IPPK: variants seen among roughly 807,000 people sequenced by gnomAD.
IPPK encodes inositol-pentakisphosphate 2-kinase.
Under a neutral mutation model 64.6 loss-of-function variants are expected in IPPK, and 22 were observed. The ratio of observed to expected loss-of-function variants is 0.34; its 90% CI spans 0.24 to 0.49. IPPK has a LOEUF of 0.49. IPPK is among the 20% of genes least tolerant of loss of function. The pLI is 0.99. For missense variants in IPPK, 532 were observed against 630.7 expected (o/e 0.84, Z 1.68); for synonymous variants, 262 against 247.2 (o/e 1.06, Z -0.56).
chr9:92,630,414 C>T (rs181739315), intron 11 of IPPK, among the ~76,000 whole-genome samples: 1 of 152,310 alleles, frequency 6.6e-6, no homozygotes, highest in East Asian at 1.9e-4. Flanking sequence ...CTAAAGGGTA[C>T]AGGGTTTTTA....
At chr9:92,650,066 G>A (rs888990151) in intron 4 of IPPK, among the ~76,000 whole-genome samples, 1 of 150,370 alleles carries the variant, frequency 6.7e-6, no homozygotes, top group Non-Finnish European at 1.5e-5. Flanking sequence ...GCTCACACCT[G>A]TAATCCCAGC....
rs1257760731 is a variant in IPPK, at chr9:92,635,254, G to A, written c.971C>T (p.Thr324Ile). ...CAGGTCCAACATCTGCACCTGGAGG[G>A]TTTTGTACAGAAGACAGCCCTTCGG... ...GLPKGCLLYKTLQVQMLDLLD... is the reference protein window; with the variant it reads ...GLPKGCLLYKILQVQMLDLLD... Residue 324 changes from threonine (T) to isoleucine (I), a missense_variant, in exon 10 of 13, where the codon ACC becomes ATC. Coordinates refer to ENST00000287996, the MANE Select transcript of IPPK (RefSeq NM_022755.6). The surrounding 1 kb of genome is among the most constrained non-coding windows in gnomAD (Gnocchi z 4.4). 3 of 1,614,108 alleles carry A rather than the reference G, an allele frequency of 1.9e-6. No individual in the cohort carries two copies. Among genetic ancestry groups the A allele is most frequent in the Non-Finnish European group, 2.5e-6 (3 of 1,180,040 alleles).
chr9:92,619,797 C>T, intron 11 of IPPK: 1 of 550,818 alleles, frequency 1.8e-6, no homozygotes, highest in Non-Finnish European at 3.3e-6. Context: ...GCCCCCTGAC[C>T]TCTCACGGCA....
intron 3 of IPPK, among the ~76,000 whole-genome samples, chr9:92,652,853 TAG>T (rs1377443578): frequency 6.6e-6 from 1 of 152,192 alleles, no homozygotes; most frequent in African/African-American, 2.4e-5. Context: ...CCAGGTTAAA[TAG>T]AGACACCAAC....
intron 11 of IPPK, among the ~76,000 whole-genome samples, chr9:92,628,086 T>A (rs1291734103): frequency 6.6e-6 from 1 of 152,126 alleles, no homozygotes; most frequent in East Asian, 1.9e-4. Context: ...CAGAAAACAA[T>A]TCCATTTACA....
chr9:92,648,133 T>A lies in IPPK; in HGVS notation c.430A>T (p.Ile144Phe). Reference protein sequence around the residue: ...CVEIKPKCGFIPFSSDVTHEM... With the variant: ...CVEIKPKCGFFPFSSDVTHEM... ...TGCGTGACATCACTCGAGAAAGGAA[T>A]AAACCCACATTTTGGCTGTAAAATA... The change falls in exon 6 of 13, where the codon ATT (isoleucine) becomes TTT (phenylalanine). Residue 144 changes from isoleucine to phenylalanine, a missense_variant. Physicochemically the swap from Ile to Phe is conservative, Grantham distance 21. Coordinates refer to ENST00000287996, the MANE Select transcript of IPPK (RefSeq NM_022755.6). 6.2e-7 allele frequency: 1 copy of A among 1,613,180 alleles called. No homozygotes were observed. The highest frequency in any genetic ancestry group is 8.5e-7 in the Non-Finnish European group (1 of 1,179,506).
intron 11 of IPPK, 116 bp from the exon 12 acceptor site, chr9:92,619,681 T>G (rs1851562961): frequency 1.0e-6 from 1 of 968,400 alleles, no homozygotes. Context: ...AACCTGAGGG[T>G]GGGATTAGGA....
At chr9:92,619,654 A>ACTG in intron 11 of IPPK, 89 bp from the exon 12 acceptor site, 1 of 1,166,684 alleles carries the variant, frequency 8.6e-7, no homozygotes, top group Admixed American at 2.0e-5. Context: ...AAGTGTGGGA[A>ACTG]CTGCTTCCTG....
chr9:92,644,786 C>G (rs544733951), intron 6 of IPPK, among the ~76,000 whole-genome samples: 19 of 152,224 alleles, frequency 1.2e-4, no homozygotes, highest in African/African-American at 4.1e-4. Flanking sequence ...ATAAAAAATC[C>G]TGGAGAGGGA....
At chr9:92,619,293 C>G (rs1402028694) in intron 12 of IPPK, 193 bp downstream of exon 12, 7 of 569,966 alleles carry the variant, frequency 1.2e-5, no homozygotes, top group Non-Finnish European at 2.2e-5. Flanking sequence ...ATAAATCTGT[C>G]TTTTGACTGA....
rs749123813 is a variant in IPPK at position 92,634,452 on chromosome 9, T to G, written c.1104A>C (p.Ala368=). The G allele has an allele frequency of 6.2e-7, 1 of 1,614,106 alleles. No individual in the cohort carries two copies. The highest frequency in any genetic ancestry group is 8.5e-7 in the Non-Finnish European group (1 of 1,179,944). ...TLQIDGPYDE[A]FYQKLLDLST... ...AAAGGTCAAGCAGCTTCTGGTAAAA[T>G]GCTTCATCATAAGGCCCATCTATTT... Residue 368 remains alanine, a synonymous_variant, in exon 11 of 13, where the codon GCA becomes GCC. Transcript: ENST00000287996.
chr9:92,614,532 A>C lies in IPPK; in HGVS notation c.*1300T>G, dbSNP rs561996259. ...TAGAATTAGAAGTAAATATGACAGA[A>C]TTGAACAATAAATTCTAGAAGAGTT... On this transcript the variant is annotated 3_prime_UTR_variant, in exon 13 of 13. Coordinates refer to ENST00000287996, the MANE Select transcript of IPPK (RefSeq NM_022755.6). The C allele has an allele frequency of 1.3e-5, 2 of 152,794 alleles. No individual in the cohort carries two copies. Among genetic ancestry groups the C allele is most frequent in the East Asian group, 1.9e-4 (1 of 5,190 alleles). The allele number at this position is 152,794 out of a possible 1,614,324, so 9.5% of individuals were successfully genotyped here.
Position 92,669,979 on chromosome 9 carries a change from C to T in IPPK, c.10G>A (p.Gly4Arg). The T allele has an allele frequency of 1.2e-6, 2 of 1,612,258 alleles. No individual in the cohort carries two copies. Among genetic ancestry groups the T allele is most frequent in the African/African-American group, 1.3e-5 (1 of 74,852 alleles). The change falls in exon 1 of 13, where the codon GGG (glycine) becomes AGG (arginine). Residue 4 changes from glycine to arginine, a missense_variant. Physicochemically the swap from Gly to Arg is moderately radical, Grantham distance 125. Transcript: ENST00000287996. ...CCCCATTCATTCTCGTCCATCTTCC[C>T]CTCTTCCATGCCCAGGCGCAGCCCT... is the stretch of plus-strand genomic sequence containing the variant. Reference protein sequence around the residue: MEEGKMDENEWGYH... With the variant: MEERKMDENEWGYH...
intron 1 of IPPK, among the ~76,000 whole-genome samples, chr9:92,661,151 G>C (rs1852474401): frequency 1.3e-5 from 2 of 152,190 alleles, no homozygotes; most frequent in Non-Finnish European, 2.9e-5. Context: ...CTCCAAGATG[G>C]GCAACTGAGT....
rs1049430618 is a variant in IPPK at position 92,629,217 on chromosome 9, T to C, written c.1170+5169A>G. Among the ~76,000 whole-genome samples the C allele has an allele frequency of 3.9e-5, 6 of 152,210 alleles. No homozygotes were observed. The South Asian group carries it at 1.2e-3, about 32-fold the overall frequency. On this transcript the variant is annotated intron_variant, in intron 11 of 12. Coordinates refer to ENST00000287996, the MANE Select transcript of IPPK (RefSeq NM_022755.6). ...TATTAAAAGGGAACATGGGAAATCT[T>C]CATGACCTTAGATTTATTTAGCAAT...
chr9:92,640,689 T>C (rs1207078227), intron 8 of IPPK, 21 bp downstream of exon 8: 24 of 1,568,448 alleles, frequency 1.5e-5, no homozygotes, highest in East Asian at 2.2e-5. Flanking sequence ...GAAACCACCA[T>C]AGAATCAAAG....
intron 7 of IPPK, among the ~76,000 whole-genome samples, chr9:92,642,353 G>C (rs1316653039): frequency 6.6e-6 from 1 of 152,262 alleles, no homozygotes; most frequent in East Asian, 1.9e-4. Flanking sequence ...AGACCTTGCC[G>C]GGGCAGAAAT....
chr9:92,638,254 T>G lies in IPPK; in HGVS notation c.663A>C (p.Lys221Asn). ...AGTCAGCCACGGGGCTCCGGGCATC[T>G]TTGCAGCCGTAAATCAGCTCACCAT... The part of the protein sequence containing the change: ...FKNGELIYGC[K>N]DARSPVADWS... Residue 221 changes from lysine to asparagine, a missense_variant, in exon 9 of 13, where the codon AAA (lysine) becomes AAC (asparagine). Coordinates refer to ENST00000287996, the MANE Select transcript of IPPK (RefSeq NM_022755.6). 1 of 1,613,960 alleles carries G rather than the reference T, an allele frequency of 6.2e-7. No individual in the cohort carries two copies. Among genetic ancestry groups the G allele is most frequent in the South Asian group, 1.1e-5 (1 of 91,066 alleles).
At chr9:92,654,611 C>T (rs888837317) in intron 3 of IPPK, among the ~76,000 whole-genome samples, 3 of 152,194 alleles carry the variant, frequency 2.0e-5, no homozygotes, top group Admixed American at 6.5e-5. Context: ...CACGTGAGGA[C>T]GCACCAACCA....
Sources: allele counts gnomAD v4.1 joint callset (sites outside exome capture counted in the v4.1 genomes callset), GRCh38; gene constraint gnomAD v4.1.1; non-coding constraint Gnocchi (gnomAD v3.1); transcripts MANE v1.5; gene names NCBI Gene and HGNC (gene_info 2026-07-23, HGNC 2026-07-21).